The following ASB5 variants were observed in gnomAD, a reference collection of about 807,000 sequenced individuals.
The protein encoded by ASB5 is ankyrin repeat and SOCS box containing 5, also known as ankyrin repeat and SOCS box protein 5.
A neutral mutation model predicts 42.1 loss-of-function variants in ASB5; 45 were observed. That is an observed-to-expected ratio of 1.07 (90% confidence interval 0.84 to 1.37). ASB5 has a LOEUF of 1.37. Among genes scored for constraint, ASB5 ranks in the 40% most tolerant of loss-of-function variants. The pLI is 0.00. For missense variants in ASB5, 402 were observed against 399.8 expected (o/e 1.01, Z -0.05); for synonymous variants, 147 against 150.6 (o/e 0.98, Z 0.18).
At chr4:176,240,833 C>A (rs1411961115) in intron 1 of ASB5, among the ~76,000 whole-genome samples, 3 of 152,068 alleles carry the variant, frequency 2.0e-5, no homozygotes, top group South Asian at 4.1e-4. Flanking sequence ...AGGGTATATT[C>A]CTGAGTTTGG....
intron 1 of ASB5, among the ~76,000 whole-genome samples, chr4:176,243,381 A>G (rs1369605226): frequency 6.6e-6 from 1 of 152,220 alleles, no homozygotes; most frequent in Non-Finnish European, 1.5e-5. Flanking sequence ...CTTAAAAATT[A>G]GGTAAATTTT....
At position 176,214,467 on chromosome 4, in the gene ASB5, A is replaced by G. The variant is rs908974170; in HGVS notation, c.*1133T>C. ...GTATAGTTAAAGCTGAAGAGAATAAACGTAGTATTTACCCTTGCAGAGGAC... is the reference window on the plus strand; with the variant it reads ...GTATAGTTAAAGCTGAAGAGAATAAGCGTAGTATTTACCCTTGCAGAGGAC... On this transcript the variant is annotated 3_prime_UTR_variant, in exon 7 of 7. Transcript: ENST00000296525. The G allele has an allele frequency of 1.3e-5, 2 of 152,062 alleles. No individual in the cohort carries two copies. The highest frequency in any genetic ancestry group is 4.8e-5 in the African/African-American group (2 of 41,414). The allele number at this position is 152,062 out of a possible 1,614,324, so 9.4% of individuals were successfully genotyped here.
chr4:176,233,854 T>C (rs1470516660), intron 1 of ASB5, among the ~76,000 whole-genome samples: 1 of 152,160 alleles, frequency 6.6e-6, no homozygotes, highest in African/African-American at 2.4e-5. Flanking sequence ...CAACTTAACA[T>C]GTCCCAAACC....
chr4:176,239,807 C>T (rs1011421370), intron 1 of ASB5, among the ~76,000 whole-genome samples: 3 of 152,134 alleles, frequency 2.0e-5, no homozygotes, highest in African/African-American at 7.2e-5. Flanking sequence ...AGATGTGCTG[C>T]ACTGAAGGTG....
At chr4:176,236,787 T>G (rs1485616408) in intron 1 of ASB5, among the ~76,000 whole-genome samples, 1 of 152,200 alleles carries the variant, frequency 6.6e-6, no homozygotes, top group Non-Finnish European at 1.5e-5. Context: ...GATATTCCTT[T>G]TTAAAAATAA....
intron 1 of ASB5, chr4:176,241,749 C>T (rs1356737396): frequency 5.8e-6 from 6 of 1,039,354 alleles, no homozygotes; most frequent in Non-Finnish European, 7.5e-6. Context: ...TGTTATCCAA[C>T]AGTTAACCTT....
intron 1 of ASB5, among the ~76,000 whole-genome samples, chr4:176,266,137 G>A (rs1754351344): frequency 6.6e-6 from 1 of 152,122 alleles, no homozygotes; most frequent in South Asian, 2.1e-4. Flanking sequence ...ACAATCAGCT[G>A]ATTTGCAATA....
At chr4:176,272,753 A>T (rs776244267), upstream of ASB5, among the ~76,000 whole-genome samples, 1 of 152,116 alleles carries the variant, frequency 6.6e-6, no homozygotes, top group Non-Finnish European at 1.5e-5. Flanking sequence ...TAGCCTTTAA[A>T]TTCTCATAAA....
Position 176,219,333 on chromosome 4 carries a change from T to G in ASB5, c.670+1822A>C, listed in dbSNP as rs1753105670. Among the ~76,000 whole-genome samples, 7 of 87,912 alleles carry G rather than the reference T, an allele frequency of 8.0e-5. No individual in the cohort carries two copies. In the South Asian group the frequency reaches 2.6e-3, roughly 32 times the overall value. The allele number at this position is 87,912 out of a possible 152,430, so 57.7% of individuals were successfully genotyped here. A position where few individuals can be genotyped will look rare whatever the true frequency, so the allele number is the denominator to read the frequency against. ...TAAATATATATATTTGTATGATATA[T>G]AAATATATATATTTGTATGATATAT... On this transcript the variant is annotated intron_variant, in intron 5 of 6. Coordinates refer to ENST00000296525, the MANE Select transcript of ASB5 (RefSeq NM_080874.4).
At chr4:176,231,806 C>T (rs549617143) in intron 1 of ASB5, among the ~76,000 whole-genome samples, 6 of 151,910 alleles carry the variant, frequency 3.9e-5, no homozygotes, top group African/African-American at 1.4e-4. Flanking sequence ...GTTCCCAATA[C>T]TGCACTCCAG....
chr4:176,227,555 C>T (rs1200206417), intron 1 of ASB5, among the ~76,000 whole-genome samples: 1 of 152,224 alleles, frequency 6.6e-6, no homozygotes, highest in Non-Finnish European at 1.5e-5. Context: ...ATGCCCATGT[C>T]CTGCCCTGGT....
In ASB5 at chr4:176,229,117, T is replaced by C. The variant is rs148308611; in HGVS notation, c.197-3776A>G. 2.8e-4 allele frequency among the ~76,000 whole-genome samples: 42 copies of C among 152,374 alleles called. No homozygotes were observed. The East Asian group carries it at 7.9e-3, about 29-fold the overall frequency. On this transcript the variant is annotated intron_variant, in intron 1 of 6. Coordinates refer to ENST00000296525, the MANE Select transcript of ASB5 (RefSeq NM_080874.4). ...TTTAAATTTAAATAACCACTTATAA[T>C]ATTTATAATGATCAGTTTCCCTCTT...
chr4:176,254,167 A>G (rs1302331473), intron 1 of ASB5, among the ~76,000 whole-genome samples: 1 of 152,166 alleles, frequency 6.6e-6, no homozygotes, highest in Non-Finnish European at 1.5e-5. Context: ...TCCAAACTAT[A>G]CTCTAAGGCT....
chr4:176,250,828 C>T (rs1046967701), intron 1 of ASB5, among the ~76,000 whole-genome samples: 2 of 152,190 alleles, frequency 1.3e-5, no homozygotes, highest in African/African-American at 4.8e-5. Context: ...AAAGATTAAA[C>T]GTGTTTATAA....
At chr4:176,276,961 A>AG (rs1348605264) in intron 1 of ASB5, among the ~76,000 whole-genome samples, 3 of 152,158 alleles carry the variant, frequency 2.0e-5, no homozygotes, top group African/African-American at 7.2e-5. Context: ...GTAGGCAGGC[A>AG]GGGCAAGGTC....
At chr4:176,256,718 G>A (rs981975166) in intron 1 of ASB5, among the ~76,000 whole-genome samples, 1 of 152,062 alleles carries the variant, frequency 6.6e-6, no homozygotes, top group African/African-American at 2.4e-5. Context: ...GCAGGTGGAA[G>A]GCTTGACCTC....
intron 1 of ASB5, among the ~76,000 whole-genome samples, chr4:176,242,504 C>G (rs1197282305): frequency 6.6e-6 from 1 of 152,108 alleles, no homozygotes; most frequent in Non-Finnish European, 1.5e-5. Flanking sequence ...GAAAATTGTC[C>G]ATTTTGTCTT....
intron 1 of ASB5, among the ~76,000 whole-genome samples, chr4:176,238,976 T>G (rs1441278362): frequency 2.0e-5 from 3 of 152,174 alleles, no homozygotes; most frequent in African/African-American, 4.8e-5. Context: ...GGAGCTTGGA[T>G]AAGACCAGAT....
intron 1 of ASB5, chr4:176,241,575 C>A (rs941810795): frequency 1.3e-6 from 2 of 1,489,474 alleles, no homozygotes; most frequent in Non-Finnish European, 1.8e-6. Flanking sequence ...CTCATACAAC[C>A]TTTAGGAGTC....
Sources: gnomAD v4.1 joint callset for allele counts (sites outside exome capture counted in the v4.1 genomes callset) on GRCh38, gnomAD v4.1.1 for gene constraint, MANE v1.5 for transcripts, NCBI Gene and HGNC (gene_info 2026-07-23, HGNC 2026-07-21) for gene names.